The following ZDHHC11 variants were observed in gnomAD, a reference collection of about 807,000 sequenced individuals.
The protein encoded by ZDHHC11 is palmitoyltransferase ZDHHC11.
A neutral mutation model predicts 51.3 loss-of-function variants in ZDHHC11; 44 were observed. The observed-to-expected ratio is 0.86, with a 90% CI of 0.67 to 1.10. ZDHHC11 has a LOEUF of 1.10. ZDHHC11 is among the 50% of genes least tolerant of loss of function. The probability of loss-of-function intolerance (pLI) is 0.00; values close to 1 mark genes in which losing one functional copy is unlikely to be tolerated. For synonymous variants in ZDHHC11, 163 were observed against 222.0 expected, an observed-to-expected ratio of 0.73 and a Z score of 2.36; for missense variants, 400 against 537.7, an observed-to-expected ratio of 0.74 and a Z score of 2.53.
chr5:841,056 C>T (rs1186893925), intron 4 of ZDHHC11: 1 of 1,009,640 alleles, frequency 9.9e-7, no homozygotes, highest in South Asian at 2.7e-5. Context: ...GTGCCCACCC[C>T]TTCCTCACTA....
At position 800,984 on chromosome 5, in the gene ZDHHC11, G is replaced by T. The variant is rs567756781; in HGVS notation, c.*7+116C>A. On this transcript the variant is annotated intron_variant, in intron 12 of 12. Coordinates refer to ENST00000283441, the MANE Select transcript of ZDHHC11 (RefSeq NM_024786.3). The stretch of plus-strand genomic sequence containing the variant: ...TTACTGTTGACATCAAGAGACAAAC[G>T]ACAAGCAGCCCAGCCCTTGAGTTTG... 77 of 1,245,190 alleles carry T rather than the reference G, an allele frequency of 6.2e-5. No homozygotes were observed. In the South Asian group the frequency reaches 1.0e-3, roughly 17 times the overall value. 77.1% of individuals were successfully genotyped at this position (1,245,190 alleles called of 1,614,324 possible).
At position 843,868 on chromosome 5, in the gene ZDHHC11, G is replaced by A. The variant is rs1189224277; in HGVS notation, c.504-144C>T. ...GGGGGGCACAGCGGCAGGGGCATGC[G>A]GGGCATGTGGGACAGGTGTGGGGGC... On this transcript the variant is annotated intron_variant, in intron 3 of 12. Coordinates refer to ENST00000283441, the MANE Select transcript of ZDHHC11 (RefSeq NM_024786.3). 2.1e-5 allele frequency: 15 copies of A among 720,882 alleles called. No individual in the cohort carries two copies. The East Asian group carries it at 2.8e-4, about 13-fold the overall frequency. The allele number at this position is 720,882 out of a possible 1,614,324, so 44.7% of individuals were successfully genotyped here. A position where few individuals can be genotyped will look rare whatever the true frequency, so the allele number is the denominator to read the frequency against.
intron 7 of ZDHHC11, among the ~76,000 whole-genome samples, chr5:828,653 T>C (rs574189036): frequency 2.0e-5 from 3 of 151,338 alleles, no homozygotes; most frequent in Admixed American, 2.0e-4. Flanking sequence ...ACAAAAGGAC[T>C]TGACAGATAT....
At chr5:798,224 G>C (rs1355616579) in intron 12 of ZDHHC11, among the ~76,000 whole-genome samples, 6 of 151,206 alleles carry the variant, frequency 4.0e-5, no homozygotes, top group Non-Finnish European at 7.4e-5. Flanking sequence ...CTCTTGAAAA[G>C]GTGAAAATGA....
intron 11 of ZDHHC11, among the ~76,000 whole-genome samples, chr5:801,613 G>A (rs1161932288): frequency 6.6e-6 from 1 of 151,172 alleles, no homozygotes; most frequent in Non-Finnish European, 1.5e-5. Context: ...CAGGTGTTTT[G>A]TTCTCTGCCC....
intron 4 of ZDHHC11, chr5:842,047 A>T (rs397840496): frequency 8.7e-5 from 86 of 986,314 alleles, no homozygotes; most frequent in East Asian, 4.5e-4. Flanking sequence ...AAGAAGGAGC[A>T]GCTTTGCTCA....
intron 1 of ZDHHC11, 129 bp downstream of exon 1, chr5:850,252 G>T (rs549807780): frequency 1.9e-6 from 2 of 1,072,478 alleles, no homozygotes; most frequent in African/African-American, 1.6e-5. Flanking sequence ...AGGCTCAGGG[G>T]ACATAGTCTG....
chr5:850,053 T>A (rs536581143), intron 1 of ZDHHC11, among the ~76,000 whole-genome samples: 1 of 152,238 alleles, frequency 6.6e-6, no homozygotes, highest in Non-Finnish European at 1.5e-5. Context: ...AGAAAGGTGC[T>A]GGCCATGTGC....
chr5:836,419 T>C (rs1743861838), intron 6 of ZDHHC11, among the ~76,000 whole-genome samples: 1 of 150,406 alleles, frequency 6.6e-6, no homozygotes, highest in South Asian at 2.1e-4. Context: ...TTTCCCAAGG[T>C]CTTATCAGTG....
At chr5:804,080 A>G (rs1290380691) in intron 11 of ZDHHC11, among the ~76,000 whole-genome samples, 1 of 151,246 alleles carries the variant, frequency 6.6e-6, no homozygotes, top group Non-Finnish European at 1.5e-5. Flanking sequence ...GGCAGAAAAA[A>G]TACAGTGTTC....
rs1428384621 is a variant in ZDHHC11, at chr5:831,195, A to G, written c.935+2578T>C. On this transcript the variant is annotated intron_variant, in intron 7 of 12. Coordinates refer to ENST00000283441, the MANE Select transcript of ZDHHC11 (RefSeq NM_024786.3). ...AGAAGTAATAAGCAGACTAAATAGA[A>G]CCCACGGAAAGGAAGAAAATATTAA... 3.3e-5 allele frequency among the ~76,000 whole-genome samples: 5 copies of G among 149,602 alleles called. 1 individual carries two copies. The highest frequency in any genetic ancestry group is 2.7e-4 in the Admixed American group (4 of 14,732).
At chr5:836,528 C>CTTCTCTG (rs1364742652) in intron 6 of ZDHHC11, among the ~76,000 whole-genome samples, 1 of 149,904 alleles carries the variant, frequency 6.7e-6, no homozygotes, top group African/African-American at 2.5e-5. Flanking sequence ...GTGTTGCTTC[C>CTTCTCTG]TTCTCTGTTT....
chr5:824,111 G>A (rs1410333552), intron 8 of ZDHHC11: 1 of 454,740 alleles, frequency 2.2e-6, no homozygotes. Flanking sequence ...CACAGGGAAG[G>A]AGAACACACC....
intron 11 of ZDHHC11, among the ~76,000 whole-genome samples, chr5:806,033 A>AATG (rs1289564338): frequency 6.6e-6 from 1 of 151,148 alleles, no homozygotes; most frequent in East Asian, 1.9e-4. Flanking sequence ...AGGACACCAG[A>AATG]GGTGTGGCAG....
intron 11 of ZDHHC11, among the ~76,000 whole-genome samples, chr5:806,789 A>T (rs1416332121): frequency 7.1e-6 from 1 of 140,118 alleles, no homozygotes; most frequent in African/African-American, 3.0e-5. Context: ...ATTAATAATG[A>T]GGGAAATACT....
At chr5:833,143 C>T (rs1483474433) in intron 7 of ZDHHC11, among the ~76,000 whole-genome samples, 2 of 152,270 alleles carry the variant, frequency 1.3e-5, no homozygotes, top group African/African-American at 2.4e-5. Context: ...AGAAGAGCGA[C>T]AGCGTTGAAT....
At chr5:797,411 C>G (rs1477638972) in intron 12 of ZDHHC11, among the ~76,000 whole-genome samples, 1 of 151,772 alleles carries the variant, frequency 6.6e-6, no homozygotes, top group Non-Finnish European at 1.5e-5. Context: ...TCTCTCTTTT[C>G]TCTTTCTAGG....
chr5:813,070 C>T (rs201526238), intron 11 of ZDHHC11, among the ~76,000 whole-genome samples: 28,904 of 130,700 alleles, frequency 0.22, 8,630 homozygotes, highest in African/African-American at 0.67. Flanking sequence ...GACACAGTGA[C>T]TCATGTCTGT....
chr5:846,610 A>G (rs1400294193), intron 3 of ZDHHC11, among the ~76,000 whole-genome samples: 8 of 147,136 alleles, frequency 5.4e-5, no homozygotes, highest in Admixed American at 5.3e-4. Context: ...CACCATCCTC[A>G]GTGGAAACAC....
Sources: allele counts gnomAD v4.1 joint callset (sites outside exome capture counted in the v4.1 genomes callset), GRCh38; gene constraint gnomAD v4.1.1; transcripts MANE v1.5; gene names NCBI Gene and HGNC (gene_info 2026-07-23, HGNC 2026-07-21).